GABRG3: variants seen among roughly 807,000 people sequenced by gnomAD.
GABRG3 encodes gamma-aminobutyric acid type A receptor subunit gamma3.
A neutral mutation model predicts 48.8 loss-of-function variants in GABRG3; 25 were observed. The ratio of observed to expected loss-of-function variants is 0.51; its 90% CI spans 0.37 to 0.72. The LOEUF is 0.72. Ranked by LOEUF, GABRG3 falls within the 30% of genes least tolerant of loss-of-function variation. GABRG3 has a pLI of 0.00. For synonymous variants in GABRG3, 227 were observed against 217.6 expected (o/e 1.04, Z -0.38); for missense variants, 394 against 577.9 (o/e 0.68, Z 3.26).
At chr15:27,357,330 C>T (rs547459075) in intron 5 of GABRG3, among the ~76,000 whole-genome samples, 1 of 152,214 alleles carries the variant, frequency 6.6e-6, no homozygotes, top group South Asian at 2.1e-4. Context: ...GGTAAATTGA[C>T]GTAGTATAAG....
chr15:27,253,182 C>T (rs1375608434), intron 3 of GABRG3, among the ~76,000 whole-genome samples: 1 of 152,200 alleles, frequency 6.6e-6, no homozygotes, highest in Non-Finnish European at 1.5e-5. Flanking sequence ...GAAGGGACTC[C>T]CTAAGAAGGC....
intron 9 of GABRG3, among the ~76,000 whole-genome samples, chr15:27,528,965 C>G (rs1891350417): frequency 6.6e-6 from 1 of 152,068 alleles, no homozygotes; most frequent in Admixed American, 6.5e-5. Flanking sequence ...GTGCCTTTCT[C>G]TATGTGTATT....
chr15:27,030,886 C>G, intron 3 of GABRG3, among the ~76,000 whole-genome samples: 1 of 152,110 alleles, frequency 6.6e-6, no homozygotes, highest in East Asian at 1.9e-4. Flanking sequence ...CACACAGCAG[C>G]TGTACATACC....
intron 5 of GABRG3, among the ~76,000 whole-genome samples, chr15:27,448,106 A>C (rs1888996655): frequency 6.7e-6 from 1 of 148,478 alleles, no homozygotes; most frequent in African/African-American, 2.6e-5. Context: ...TGTATTAAGT[A>C]AAACACCAAA....
intron 3 of GABRG3, among the ~76,000 whole-genome samples, chr15:27,098,279 C>CA (rs1032619226): frequency 4.6e-5 from 7 of 151,894 alleles, no homozygotes; most frequent in African/African-American, 1.7e-4. Flanking sequence ...ACTAAAAACA[C>CA]AAAAAATAGC....
intron 3 of GABRG3, among the ~76,000 whole-genome samples, chr15:27,089,925 C>T (rs1226902046): frequency 1.3e-5 from 2 of 152,218 alleles, no homozygotes; most frequent in Non-Finnish European, 2.9e-5. Context: ...GGATATACCA[C>T]ATTGTGTGTG....
intron 3 of GABRG3, among the ~76,000 whole-genome samples, chr15:27,079,271 G>T (rs1896955819): frequency 6.6e-6 from 1 of 152,110 alleles, no homozygotes; most frequent in African/African-American, 2.4e-5. Context: ...CATATGTAAA[G>T]AGTAGAGAAG....
In GABRG3 at chr15:27,275,639, A is replaced by G. The variant is rs180687425; in HGVS notation, c.271-51170A>G. Among the ~76,000 whole-genome samples the G allele has an allele frequency of 1.2e-3, 187 of 152,046 alleles. 3 individuals are homozygous for G. The highest frequency in any genetic ancestry group is 2.5e-4 in the Non-Finnish European group (17 of 68,000). ...TTTCTGATGGTTCCCAGTGCTCATC[A>G]CTCTTCCTCTGTCTGTTTTGGCATG... is the stretch of plus-strand genomic sequence containing the variant. On this transcript the variant is annotated intron_variant, in intron 3 of 9. Coordinates refer to ENST00000615808, the MANE Select transcript of GABRG3 (RefSeq NM_033223.5).
In GABRG3 at chr15:27,453,585, A is replaced by T. The variant is rs1889174166; in HGVS notation, c.575-27065A>T. Among the ~76,000 whole-genome samples, 3 of 151,992 alleles carry T rather than the reference A, an allele frequency of 2.0e-5. No individual in the cohort carries two copies. The South Asian group carries it at 6.2e-4, about 32-fold the overall frequency. ...GGATTTTAAATGCAAAACAACACAG[A>T]CTTTATTCTTTTCTTGTTTGTTTGT... On this transcript the variant is annotated intron_variant, in intron 5 of 9. Coordinates refer to ENST00000615808, the MANE Select transcript of GABRG3 (RefSeq NM_033223.5).
In GABRG3 at chr15:27,356,074, C is replaced by T. The variant is rs552898705; in HGVS notation, c.574+27186C>T. On this transcript the variant is annotated intron_variant, in intron 5 of 9. Coordinates refer to ENST00000615808, the MANE Select transcript of GABRG3 (RefSeq NM_033223.5). ...CACCAAATTGTCTACTTTTAAAGGG[C>T]GACCTTTATAGTATGTGAATTACAG... Among the ~76,000 whole-genome samples the T allele has an allele frequency of 1.2e-3, 188 of 152,100 alleles. 1 individual carries two copies. The highest frequency in any genetic ancestry group is 4.3e-3 in the African/African-American group (178 of 41,486).
chr15:27,048,945 G>A (rs530351294), intron 3 of GABRG3, among the ~76,000 whole-genome samples: 1 of 152,338 alleles, frequency 6.6e-6, no homozygotes, highest in African/African-American at 2.4e-5. Flanking sequence ...TCAGGTGTTT[G>A]GGGGCTACCC....
At chr15:27,446,707 A>G (rs1341662814) in intron 5 of GABRG3, among the ~76,000 whole-genome samples, 1 of 152,084 alleles carries the variant, frequency 6.6e-6, no homozygotes, top group Non-Finnish European at 1.5e-5. Context: ...TATAAATACA[A>G]TTTGGGAATT....
intron 5 of GABRG3, among the ~76,000 whole-genome samples, chr15:27,429,653 T>C (rs1163035803): frequency 1.3e-5 from 2 of 152,228 alleles, no homozygotes; most frequent in Admixed American, 6.5e-5. Flanking sequence ...TTTGTCTAAA[T>C]GGACGATGTG....
intron 3 of GABRG3, among the ~76,000 whole-genome samples, chr15:27,073,856 G>C (rs1896866768): frequency 6.6e-6 from 1 of 152,228 alleles, no homozygotes; most frequent in South Asian, 2.1e-4. Context: ...AGCCCTCGTG[G>C]TGGTTGTTCA....
chr15:27,006,072 T>C (rs1289488118), intron 2 of GABRG3, among the ~76,000 whole-genome samples: 2 of 152,224 alleles, frequency 1.3e-5, no homozygotes, highest in Non-Finnish European at 2.9e-5. Context: ...TATATAGTTA[T>C]TGACTCTCAT....
At chr15:27,351,497 G>T (rs368648280) in intron 5 of GABRG3, among the ~76,000 whole-genome samples, 1,791 of 145,538 alleles carry the variant, frequency 0.012, 33 homozygotes, top group African/African-American at 0.044. Flanking sequence ...TATGGTGTGT[G>T]TGTGTTGGTA....
At chr15:27,430,863 G>A (rs1003178605) in intron 5 of GABRG3, among the ~76,000 whole-genome samples, 32 of 151,810 alleles carry the variant, frequency 2.1e-4, no homozygotes, top group African/African-American at 6.8e-4. Context: ...GGTGGCAGGC[G>A]CCTGTAATCC....
intron 3 of GABRG3, among the ~76,000 whole-genome samples, chr15:27,043,481 A>G (rs1896311828): frequency 6.6e-6 from 1 of 152,102 alleles, no homozygotes; most frequent in African/African-American, 2.4e-5. Flanking sequence ...GGGCCAGCTC[A>G]CCTGAGCTGG....
intron 3 of GABRG3, among the ~76,000 whole-genome samples, chr15:27,061,391 T>G (rs778763818): frequency 1.4e-4 from 21 of 152,060 alleles, no homozygotes; most frequent in Non-Finnish European, 2.2e-4. Flanking sequence ...TCTGGCTGAT[T>G]AGGGTTTTTA....
Sources: gnomAD v4.1 joint callset for allele counts (sites outside exome capture counted in the v4.1 genomes callset) on GRCh38, gnomAD v4.1.1 for gene constraint, MANE v1.5 for transcripts, NCBI Gene and HGNC (gene_info 2026-07-23, HGNC 2026-07-21) for gene names.